Variants in ERBB4 observed in about 807,000 individuals in gnomAD.
ERBB4 encodes receptor tyrosine-protein kinase erbB-4.
In ERBB4, 42 loss-of-function variants were observed where a neutral mutation model predicts 158.0. The observed-to-expected ratio is 0.27, with a 90% CI of 0.21 to 0.34. The LOEUF (loss-of-function observed/expected upper bound fraction) is 0.34, where lower values mean the gene tolerates loss of function less well. Ranked by LOEUF, ERBB4 falls within the 10% of genes least tolerant of loss-of-function variation. ERBB4 has a pLI of 1.00. For missense variants in ERBB4, 1,333 were observed against 1,624.1 expected, an observed-to-expected ratio of 0.82 and a Z score of 3.08; for synonymous variants, 583 against 558.7, an observed-to-expected ratio of 1.04 and a Z score of -0.61.
intron 15 of ERBB4, among the ~76,000 whole-genome samples, chr2:211,658,353 T>G (rs1300115836): frequency 1.3e-5 from 2 of 151,840 alleles, no homozygotes; most frequent in East Asian, 3.9e-4. Context: ...TTGTGTATGG[T>G]TTCTTCTTAA....
At chr2:211,787,336 A>T (rs1304966256) in intron 4 of ERBB4, among the ~76,000 whole-genome samples, 2 of 152,210 alleles carry the variant, frequency 1.3e-5, no homozygotes, top group Non-Finnish European at 2.9e-5. Context: ...TAATTTTCAA[A>T]GGTTTAAATC....
At chr2:212,206,481 C>T (rs576696800) in intron 1 of ERBB4, among the ~76,000 whole-genome samples, 2 of 151,882 alleles carry the variant, frequency 1.3e-5, no homozygotes, top group South Asian at 4.2e-4. Context: ...TTTAAAATCT[C>T]ATTATTATTA....
chr2:212,186,632 A>C (rs1290380684), intron 1 of ERBB4, among the ~76,000 whole-genome samples: 1 of 152,196 alleles, frequency 6.6e-6, no homozygotes, highest in Non-Finnish European at 1.5e-5. Flanking sequence ...GTCTTCAATA[A>C]GTCTTCTTTT....
intron 20 of ERBB4, among the ~76,000 whole-genome samples, chr2:211,482,580 C>T (rs1452132998): frequency 6.6e-6 from 1 of 151,992 alleles, no homozygotes; most frequent in Admixed American, 6.6e-5. Context: ...CACAAAGAAG[C>T]AGAAAAATAA....
At chr2:212,129,887 T>C (rs1050355801) in intron 1 of ERBB4, among the ~76,000 whole-genome samples, 6 of 152,102 alleles carry the variant, frequency 3.9e-5, no homozygotes, top group African/African-American at 1.2e-4. Context: ...ATTCAAACTA[T>C]CTAGAATCCA....
chr2:211,729,258 C>G (rs1358536873), intron 5 of ERBB4, among the ~76,000 whole-genome samples: 1 of 151,684 alleles, frequency 6.6e-6, no homozygotes, highest in Non-Finnish European at 1.5e-5. Flanking sequence ...CAGATGCATT[C>G]CACAATTTTT....
chr2:211,903,368 G>A (rs1559630848), intron 3 of ERBB4, among the ~76,000 whole-genome samples: 1 of 151,854 alleles, frequency 6.6e-6, no homozygotes, highest in Non-Finnish European at 1.5e-5. Flanking sequence ...CTTAATCCCT[G>A]GAAAATGATT....
At chr2:212,064,803 A>T (rs2077888713) in intron 2 of ERBB4, among the ~76,000 whole-genome samples, 1 of 152,114 alleles carries the variant, frequency 6.6e-6, no homozygotes, top group Non-Finnish European at 1.5e-5. Context: ...GGATAGCATA[A>T]AGAAAGGTAT....
intron 1 of ERBB4, among the ~76,000 whole-genome samples, chr2:212,138,182 G>A (rs73987246): frequency 0.029 from 4,353 of 152,116 alleles, 146 homozygotes; most frequent in African/African-American, 0.079. Context: ...CAAAGTCAAA[G>A]TTCATTTTAC....
At chr2:211,628,456 G>C (rs889062006) in intron 17 of ERBB4, among the ~76,000 whole-genome samples, 2 of 152,136 alleles carry the variant, frequency 1.3e-5, no homozygotes, top group African/African-American at 4.8e-5. Flanking sequence ...TGCTGAGAAT[G>C]ATGGTTTCCA....
chr2:212,450,666 T>G (rs925504205), intron 1 of ERBB4, among the ~76,000 whole-genome samples: 2 of 152,116 alleles, frequency 1.3e-5, no homozygotes, highest in African/African-American at 4.8e-5. Context: ...TTCTTAGTAA[T>G]TTGTTAAAGC....
intron 19 of ERBB4, among the ~76,000 whole-genome samples, chr2:211,571,086 A>T (rs1416009297): frequency 2.6e-5 from 3 of 117,246 alleles, no homozygotes; most frequent in Non-Finnish European, 4.8e-5. Context: ...CTCTGTCGCC[A>T]GGCTGGAATG....
rs76531440 is a variant in ERBB4, at chr2:212,018,870, G to T, written c.235-71254C>A. Reference sequence around the variant, plus strand: ...GCAATCTGGGGATAGTTAAATAAAAGATTTATTTACAAAGGCATGCACAAA... The same window carrying T: ...GCAATCTGGGGATAGTTAAATAAAATATTTATTTACAAAGGCATGCACAAA... On this transcript the variant is annotated intron_variant, in intron 2 of 27. Coordinates refer to ENST00000342788, the MANE Select transcript of ERBB4 (RefSeq NM_005235.3). 3.1e-3 allele frequency among the ~76,000 whole-genome samples: 478 copies of T among 152,158 alleles called. 4 individuals are homozygous for T. Among genetic ancestry groups the T allele is most frequent in the African/African-American group, 0.011 (455 of 41,490 alleles).
At chr2:211,781,333 G>A (rs13394135) in intron 4 of ERBB4, among the ~76,000 whole-genome samples, 3,844 of 152,278 alleles carry the variant, frequency 0.025, 160 homozygotes, top group African/African-American at 0.089. Flanking sequence ...GGTTAAACAA[G>A]TAATTAGTCC....
chr2:211,570,819 G>T (rs529988458), intron 19 of ERBB4, among the ~76,000 whole-genome samples: 2 of 151,892 alleles, frequency 1.3e-5, no homozygotes, highest in South Asian at 4.1e-4. Context: ...TTTGAGATCC[G>T]GTTTTTCTGC....
chr2:211,853,415 T>C (rs886909050), intron 3 of ERBB4, among the ~76,000 whole-genome samples: 1 of 152,030 alleles, frequency 6.6e-6, no homozygotes, highest in Admixed American at 6.6e-5. Flanking sequence ...TTGGTCTACT[T>C]GTATGACTTG....
chr2:211,556,165 C>G (rs2067232439), intron 20 of ERBB4, among the ~76,000 whole-genome samples: 1 of 151,894 alleles, frequency 6.6e-6, no homozygotes. Flanking sequence ...AGACTATAAA[C>G]CAAAAAAGAT....
At chr2:211,774,590 T>C (rs2075826011) in intron 4 of ERBB4, among the ~76,000 whole-genome samples, 1 of 152,208 alleles carries the variant, frequency 6.6e-6, no homozygotes, top group Admixed American at 6.5e-5. Context: ...CAAGTGATTA[T>C]GCTACTTTTG....
chr2:212,512,717 G>C (rs1045235511), intron 1 of ERBB4, among the ~76,000 whole-genome samples: 1 of 152,110 alleles, frequency 6.6e-6, no homozygotes, highest in East Asian at 1.9e-4. Flanking sequence ...AGGGTATCAT[G>C]CACCTTGATT....
Sources: allele counts gnomAD v4.1 joint callset (sites outside exome capture counted in the v4.1 genomes callset), GRCh38; gene constraint gnomAD v4.1.1; transcripts MANE v1.5; gene names NCBI Gene and HGNC (gene_info 2026-07-23, HGNC 2026-07-21).